The following PBX1 variants were observed in gnomAD, a reference collection of about 807,000 sequenced individuals.
PBX1 encodes the protein PBX homeobox 1, also known as pre-B-cell leukemia transcription factor 1.
In PBX1, 6 loss-of-function variants were observed where a neutral mutation model predicts 53.4. The ratio of observed to expected loss-of-function variants is 0.11; its 90% CI spans 0.06 to 0.22. The LOEUF is 0.22. Among genes scored for constraint, PBX1 ranks in the 10% least tolerant of loss-of-function variants. The probability of loss-of-function intolerance (pLI) is 1.00; values close to 1 mark genes in which losing one functional copy is unlikely to be tolerated. For missense variants in PBX1, 251 were observed against 551.4 expected (o/e 0.46, Z 5.46); for synonymous variants, 204 against 212.3 (o/e 0.96, Z 0.34).
intron 8 of PBX1, among the ~76,000 whole-genome samples, chr1:164,845,802 G>A (rs1400203687): frequency 6.6e-6 from 1 of 152,066 alleles, no homozygotes; most frequent in East Asian, 1.9e-4. Context: ...TATTCACACA[G>A]ACTAGTCCTT....
intron 2 of PBX1, among the ~76,000 whole-genome samples, chr1:164,592,326 A>G (rs893990918): frequency 6.6e-6 from 1 of 152,240 alleles, no homozygotes; most frequent in African/African-American, 2.4e-5. Context: ...GTAAACCTCC[A>G]TGCCAACCAT....
Position 164,613,735 on chromosome 1 carries a change from C to G in PBX1, c.265+50424C>G, listed in dbSNP as rs867312. On this transcript the variant is annotated intron_variant, in intron 2 of 8. Transcript: ENST00000420696. Reference sequence around the variant, plus strand: ...GTGACAACATCAGTTTCCTTGTCTTCCTTCTCTTCTGGTGAGAGTGTCTTG... The same window carrying G: ...GTGACAACATCAGTTTCCTTGTCTTGCTTCTCTTCTGGTGAGAGTGTCTTG... 9.1e-3 allele frequency among the ~76,000 whole-genome samples: 1,388 copies of G among 152,228 alleles called. 19 individuals are homozygous for G. Among genetic ancestry groups the G allele is most frequent in the African/African-American group, 0.031 (1,277 of 41,532 alleles).
rs370749367 is a variant in PBX1 at position 164,738,394 on chromosome 1, T to C, written c.266-54100T>C. ...TCAAAATCCTGGGCTCAAGCTATAC[T>C]GCTGCCTCAGCCTCCCAAGTAGATA... On this transcript the variant is annotated intron_variant, in intron 2 of 8. Coordinates refer to ENST00000420696, the MANE Select transcript of PBX1 (RefSeq NM_002585.4). Among the ~76,000 whole-genome samples the C allele has an allele frequency of 2.5e-4, 38 of 152,310 alleles. 3 individuals are homozygous for C. The highest frequency in any genetic ancestry group is 9.1e-4 in the African/African-American group (38 of 41,570).
rs139074936 is a variant in PBX1 at position 164,866,155 on chromosome 1, C to T, written n.258-33033C>T. On this transcript the variant is annotated intron_variant and non_coding_transcript_variant, in intron 2 of 2. Coordinates refer to the PBX1 transcript ENST00000558796. ...ATCTATGTTTTAAAACCAATAAAGC[C>T]AAAAATATATTCTTATTCATTATTC... 2.4e-3 allele frequency among the ~76,000 whole-genome samples: 358 copies of T among 152,222 alleles called. 1 individual carries two copies. Among genetic ancestry groups the T allele is most frequent in the African/African-American group, 8.5e-3 (352 of 41,532 alleles).
chr1:164,857,541 T>C (rs891947766), intron 2 of PBX1, among the ~76,000 whole-genome samples: 9 of 152,178 alleles, frequency 5.9e-5, no homozygotes, highest in African/African-American at 1.9e-4. Flanking sequence ...TACCCAGGAA[T>C]TGTGGGGTGG....
At chr1:164,754,668 TACGTGCGTGC>T (rs895780201) in intron 2 of PBX1, among the ~76,000 whole-genome samples, 4 of 152,150 alleles carry the variant, frequency 2.6e-5, no homozygotes, top group African/African-American at 7.2e-5. Context: ...GGTGTGTGTG[TACGTGCGTGC>T]ACGTGCGTGC....
intron 2 of PBX1, among the ~76,000 whole-genome samples, chr1:164,777,395 C>G (rs1667725253): frequency 6.6e-6 from 1 of 152,144 alleles, no homozygotes; most frequent in Admixed American, 6.5e-5. Context: ...TGCACTCCAC[C>G]CTGGGCTACA....
intron 2 of PBX1, among the ~76,000 whole-genome samples, chr1:164,768,309 T>TGG (rs1323409651): frequency 2.0e-5 from 3 of 152,148 alleles, no homozygotes; most frequent in African/African-American, 7.2e-5. Context: ...AAGTCCAAGC[T>TGG]TGTATTCTTC....
chr1:164,736,225 A>G (rs1665262438), intron 2 of PBX1, among the ~76,000 whole-genome samples: 3 of 152,138 alleles, frequency 2.0e-5, no homozygotes, highest in Admixed American at 2.0e-4. Flanking sequence ...CTTAAGCCTC[A>G]AATCATTATA....
At chr1:164,712,329 C>T (rs972105854) in intron 2 of PBX1, among the ~76,000 whole-genome samples, 4 of 152,038 alleles carry the variant, frequency 2.6e-5, no homozygotes, top group East Asian at 1.9e-4. Flanking sequence ...TGATACTGTC[C>T]GGATTATTCT....
At chr1:164,781,063 C>T (rs1015867748) in intron 2 of PBX1, among the ~76,000 whole-genome samples, 12 of 152,134 alleles carry the variant, frequency 7.9e-5, no homozygotes, top group African/African-American at 2.4e-4. Flanking sequence ...ATTAGCAGCA[C>T]GGCATGTGCT....
intron 2 of PBX1, among the ~76,000 whole-genome samples, chr1:164,580,129 T>C (rs1182181189): frequency 6.6e-6 from 1 of 152,208 alleles, no homozygotes; most frequent in African/African-American, 2.4e-5. Context: ...CTCTACTCAT[T>C]TCTGATCCTG....
intron 2 of PBX1, among the ~76,000 whole-genome samples, chr1:164,872,180 GC>G (rs1338767327): frequency 6.6e-6 from 1 of 152,188 alleles, no homozygotes; most frequent in Non-Finnish European, 1.5e-5. Context: ...TGCTTTAAGG[GC>G]ATAGTAAGCA....
intron 8 of PBX1, among the ~76,000 whole-genome samples, chr1:164,824,973 C>A (rs748101308): frequency 6.6e-6 from 1 of 152,152 alleles, no homozygotes; most frequent in African/African-American, 2.4e-5. Flanking sequence ...TTTTGTCATT[C>A]GTTGCTCAGA....
At chr1:164,746,333 A>G (rs1350491156) in intron 2 of PBX1, among the ~76,000 whole-genome samples, 4 of 152,134 alleles carry the variant, frequency 2.6e-5, no homozygotes, top group Non-Finnish European at 4.4e-5. Flanking sequence ...TAATTTGAGA[A>G]AGCTATGGTA....
In PBX1 at chr1:164,849,113, G is replaced by T; in HGVS notation, c.*2437G>T. On this transcript the variant is annotated 3_prime_UTR_variant, in exon 9 of 9. Coordinates refer to ENST00000420696, the MANE Select transcript of PBX1 (RefSeq NM_002585.4). ...GCAAGAACATGGTTGAATCACATTT[G>T]CTTGACTTAGGGCAAAGTACGAAAG... The T allele has an allele frequency of 1.5e-6, 2 of 1,359,176 alleles. No homozygotes were observed. The highest frequency in any genetic ancestry group is 1.9e-6 in the Non-Finnish European group (2 of 1,054,440). The allele number at this position is 1,359,176 out of a possible 1,614,324, so 84.2% of individuals were successfully genotyped here.
Position 164,560,003 on chromosome 1 carries a change from G to T in PBX1, c.181G>T (p.Ala61Ser). 6.9e-7 allele frequency: 1 copy of T among 1,439,864 alleles called. No individual in the cohort carries two copies. Among genetic ancestry groups the T allele is most frequent in the Non-Finnish European group, 9.2e-7 (1 of 1,088,754 alleles). 89.2% of individuals were successfully genotyped at this position (1,439,864 alleles called of 1,614,324 possible). The change falls in exon 1 of 9, where the codon GCG (alanine) becomes TCG (serine). Residue 61 changes from alanine to serine, a missense_variant. Coordinates refer to ENST00000420696, the MANE Select transcript of PBX1 (RefSeq NM_002585.4). ...MTITDQSLDEAQARKHALNCH... is the reference protein window; with the variant it reads ...MTITDQSLDESQARKHALNCH... ...CATCACAGACCAGAGTTTGGATGAGGCGCAGGCCAGGTGAGATGGAGGCTT... is the reference window on the plus strand; with the variant it reads ...CATCACAGACCAGAGTTTGGATGAGTCGCAGGCCAGGTGAGATGGAGGCTT...
chr1:164,607,513 T>C (rs1331613478), intron 2 of PBX1, among the ~76,000 whole-genome samples: 1 of 151,738 alleles, frequency 6.6e-6, no homozygotes, highest in Admixed American at 6.6e-5. Context: ...AAGGAGAGAG[T>C]TGACGAGTTA....
intron 2 of PBX1, among the ~76,000 whole-genome samples, chr1:164,597,023 C>CT (rs1254866594): frequency 6.6e-6 from 1 of 152,210 alleles, no homozygotes; most frequent in Non-Finnish European, 1.5e-5. Flanking sequence ...CCTGTACCCT[C>CT]TGTCTTTATT....
Sources: allele counts gnomAD v4.1 joint callset (sites outside exome capture counted in the v4.1 genomes callset), GRCh38; gene constraint gnomAD v4.1.1; transcripts MANE v1.5; gene names NCBI Gene and HGNC (gene_info 2026-07-23, HGNC 2026-07-21).